The following SDC2 variants were observed in gnomAD, a reference collection of about 807,000 sequenced individuals.
The protein encoded by SDC2 is syndecan 2.
In SDC2, 13 loss-of-function variants were observed where a neutral mutation model predicts 22.2. That is an observed-to-expected ratio of 0.59 (90% CI 0.38 to 0.93). SDC2 has a LOEUF of 0.93. SDC2 is among the 40% of genes least tolerant of loss of function. The pLI is 0.00. For synonymous variants in SDC2, 94 were observed against 92.8 expected (o/e 1.01, Z -0.07); for missense variants, 235 against 246.8 (o/e 0.95, Z 0.32).
intron 1 of SDC2, among the ~76,000 whole-genome samples, chr8:96,591,884 A>G (rs16894821): frequency 0.12 from 17,939 of 152,014 alleles, 1,211 homozygotes; most frequent in East Asian, 0.21. Flanking sequence ...CTTGCCTTTA[A>G]AGGAGCTGAG....
intron 1 of SDC2, among the ~76,000 whole-genome samples, chr8:96,564,844 T>A (rs535971310): frequency 6.6e-6 from 1 of 152,242 alleles, no homozygotes; most frequent in Admixed American, 6.5e-5. Flanking sequence ...CCCACCGTTT[T>A]GGGAGTTGAA....
intron 1 of SDC2, among the ~76,000 whole-genome samples, chr8:96,514,483 G>A (rs1813373139): frequency 6.6e-6 from 1 of 152,172 alleles, no homozygotes; most frequent in Non-Finnish European, 1.5e-5. Flanking sequence ...CACTCATGCT[G>A]GACCTTGATC....
At chr8:96,606,705 A>T (rs1362093304) in intron 3 of SDC2, among the ~76,000 whole-genome samples, 1 of 152,160 alleles carries the variant, frequency 6.6e-6, no homozygotes, top group Non-Finnish European at 1.5e-5. Flanking sequence ...GGATCAGCGT[A>T]ACCTTGGGTG....
chr8:96,534,975 T>G (rs1813729435), intron 1 of SDC2, among the ~76,000 whole-genome samples: 1 of 152,048 alleles, frequency 6.6e-6, no homozygotes, highest in Non-Finnish European at 1.5e-5. Flanking sequence ...GGGCACCCAG[T>G]TAAGATGGAA....
chr8:96,503,272 T>C (rs1216530659), intron 1 of SDC2, among the ~76,000 whole-genome samples: 4 of 152,178 alleles, frequency 2.6e-5, no homozygotes, highest in African/African-American at 9.6e-5. Flanking sequence ...TTACTTATAA[T>C]AGTTAAAAAA....
chr8:96,566,137 G>C (rs1267612605), intron 1 of SDC2, among the ~76,000 whole-genome samples: 1 of 152,204 alleles, frequency 6.6e-6, no homozygotes, highest in African/African-American at 2.4e-5. Flanking sequence ...ATGTAAAGCA[G>C]CAAACTGAAA....
In SDC2 at chr8:96,494,243, C is replaced by T; in HGVS notation, c.-29C>T. ...TTCGTTTTGCCCTGGTTGCAAGCAGCGGCTGGGAGCAGCCGGTCCCTGGGG... is the reference window on the plus strand; with the variant it reads ...TTCGTTTTGCCCTGGTTGCAAGCAGTGGCTGGGAGCAGCCGGTCCCTGGGG... On this transcript the variant is annotated 5_prime_UTR_variant, in exon 1 of 5. Coordinates refer to ENST00000302190, the MANE Select transcript of SDC2 (RefSeq NM_002998.4). 1 of 1,540,116 alleles carries T rather than the reference C, an allele frequency of 6.5e-7. No homozygotes were observed. The highest frequency in any genetic ancestry group is 1.4e-5 in the African/African-American group (1 of 73,090).
chr8:96,589,498 T>A (rs2130625313), intron 1 of SDC2, among the ~76,000 whole-genome samples: 1 of 152,292 alleles, frequency 6.6e-6, no homozygotes. Context: ...CTGCAGCCTC[T>A]GCCTCCCAGG....
chr8:96,545,719 ATTGC>A (rs769416625), intron 1 of SDC2, among the ~76,000 whole-genome samples: 68 of 152,316 alleles, frequency 4.5e-4, no homozygotes, highest in Non-Finnish European at 7.5e-4. Flanking sequence ...CGACCCTGAA[ATTGC>A]TTGTTTGGGC....
intron 1 of SDC2, among the ~76,000 whole-genome samples, chr8:96,571,841 C>G (rs1814400345): frequency 6.6e-6 from 1 of 152,140 alleles, no homozygotes; most frequent in Admixed American, 6.5e-5. Flanking sequence ...TTTTGGAACC[C>G]AGAGGGAGCA....
chr8:96,574,109 C>T (rs748902798), intron 1 of SDC2, among the ~76,000 whole-genome samples: 7 of 150,454 alleles, frequency 4.7e-5, no homozygotes, highest in Non-Finnish European at 1.0e-4. Flanking sequence ...GCACCGTGCA[C>T]ACACCCTGCA....
At chr8:96,517,801 GTATA>G (rs749368466) in intron 1 of SDC2, among the ~76,000 whole-genome samples, 42 of 103,292 alleles carry the variant, frequency 4.1e-4, no homozygotes, top group Admixed American at 1.1e-3. Flanking sequence ...GTGTGTGTGT[GTATA>G]TATATATGCA....
intron 1 of SDC2, among the ~76,000 whole-genome samples, chr8:96,504,744 C>G (rs929781396): frequency 9.2e-5 from 14 of 152,160 alleles, no homozygotes; most frequent in African/African-American, 1.4e-4. Flanking sequence ...ACTCTTAACA[C>G]TATGGGACAT....
chr8:96,495,717 CTT>C (rs1813064116), intron 1 of SDC2, among the ~76,000 whole-genome samples: 1 of 152,140 alleles, frequency 6.6e-6, no homozygotes, highest in Non-Finnish European at 1.5e-5. Flanking sequence ...TGGGAAACCT[CTT>C]TGGCATCGAG....
chr8:96,571,847 G>A (rs754116134), intron 1 of SDC2, among the ~76,000 whole-genome samples: 100 of 152,272 alleles, frequency 6.6e-4, no homozygotes, highest in Non-Finnish European at 1.3e-3. Context: ...AACCCAGAGG[G>A]AGCAATAATA....
At chr8:96,598,109 C>T (rs2582800) in intron 2 of SDC2, among the ~76,000 whole-genome samples, 5,620 of 152,076 alleles carry the variant, frequency 0.037, 119 homozygotes, top group Non-Finnish European at 0.054. Context: ...TTAGATGGTG[C>T]CTTCCTGCTG....
intron 1 of SDC2, among the ~76,000 whole-genome samples, chr8:96,575,786 G>T (rs1294091204): frequency 6.6e-6 from 1 of 152,104 alleles, no homozygotes; most frequent in South Asian, 2.1e-4. Flanking sequence ...ATCTGAATAC[G>T]TGAATTCCAT....
chr8:96,501,470 T>C (rs1003416483), intron 1 of SDC2, among the ~76,000 whole-genome samples: 1 of 151,626 alleles, frequency 6.6e-6, no homozygotes, highest in Non-Finnish European at 1.5e-5. Flanking sequence ...CGCCTGGCTA[T>C]TCTTTTTTTG....
At chr8:96,521,407 C>G (rs1586277872) in intron 1 of SDC2, among the ~76,000 whole-genome samples, 1 of 152,144 alleles carries the variant, frequency 6.6e-6, no homozygotes, top group East Asian at 1.9e-4. Flanking sequence ...AAGCTCGGAT[C>G]TAGGGAGACT....
Sources: gnomAD v4.1 joint callset for allele counts (sites outside exome capture counted in the v4.1 genomes callset) on GRCh38, gnomAD v4.1.1 for gene constraint, MANE v1.5 for transcripts, NCBI Gene and HGNC (gene_info 2026-07-23, HGNC 2026-07-21) for gene names.